Variants in PCNX2 observed in about 807,000 individuals in gnomAD.
PCNX2 encodes the protein pecanex 2.
In PCNX2, 168 loss-of-function variants were observed where a neutral mutation model predicts 223.8. The observed-to-expected ratio is 0.75, with a 90% confidence interval of 0.66 to 0.85. The LOEUF is 0.85. PCNX2 is among the 40% of genes least tolerant of loss of function. PCNX2 has a pLI of 0.00. For missense variants in PCNX2, 2,507 were observed against 2,675.5 expected (o/e 0.94, Z 1.39); for synonymous variants, 1,006 against 1,052.6 (o/e 0.96, Z 0.86).
chr1:233,158,391 G>A (rs1678255504), intron 19 of PCNX2, among the ~76,000 whole-genome samples: 2 of 152,046 alleles, frequency 1.3e-5, no homozygotes, highest in African/African-American at 4.8e-5. Flanking sequence ...TATAGGGAAA[G>A]GCACAGGTAT....
At chr1:233,222,208 A>C (rs772044304) in intron 10 of PCNX2, among the ~76,000 whole-genome samples, 3 of 152,160 alleles carry the variant, frequency 2.0e-5, no homozygotes, top group Non-Finnish European at 4.4e-5. Flanking sequence ...AGACAAAAGG[A>C]AGGCCAGTAT....
intron 17 of PCNX2, among the ~76,000 whole-genome samples, chr1:233,175,123 A>T (rs1247337550): frequency 1.3e-5 from 2 of 152,118 alleles, no homozygotes; most frequent in African/African-American, 4.8e-5. Context: ...CAGAGAAAAT[A>T]AGAGCTGGAG....
chr1:233,082,993 A>C (rs1394953293), intron 23 of PCNX2, among the ~76,000 whole-genome samples: 1 of 152,224 alleles, frequency 6.6e-6, no homozygotes, highest in Non-Finnish European at 1.5e-5. Flanking sequence ...GCGGAAACGT[A>C]AACTTCCTCT....
intron 28 of PCNX2, among the ~76,000 whole-genome samples, chr1:233,005,868 T>C (rs959341065): frequency 4.6e-5 from 7 of 152,084 alleles, no homozygotes; most frequent in Non-Finnish European, 1.0e-4. Flanking sequence ...TACTGGGAAA[T>C]AGTGTTGCAT....
rs1224713117 is a variant in PCNX2, at chr1:232,984,063, T to C, written c.*241A>G. 1 of 387,744 alleles carries C rather than the reference T, an allele frequency of 2.6e-6. No individual in the cohort carries two copies. The highest frequency in any genetic ancestry group is 4.5e-6 in the Non-Finnish European group (1 of 224,710). The allele number at this position is 387,744 out of a possible 1,614,324, so 24.0% of individuals were successfully genotyped here. A position where few individuals can be genotyped will look rare whatever the true frequency, so the allele number is the denominator to read the frequency against. Reference sequence around the variant, plus strand: ...TGTGGTGTGGCTTCTTTGTTGCTTTTTTTTGTTTCCCCATCATGTGAGGTT... The same window carrying C: ...TGTGGTGTGGCTTCTTTGTTGCTTTCTTTTGTTTCCCCATCATGTGAGGTT... On this transcript the variant is annotated 3_prime_UTR_variant, in exon 34 of 34. Coordinates refer to ENST00000258229, the MANE Select transcript of PCNX2 (RefSeq NM_014801.4).
rs781324042 is a variant in PCNX2, at chr1:233,034,466, G to T, written c.4352-9067C>A. On this transcript the variant is annotated intron_variant, in intron 25 of 33. Coordinates refer to ENST00000258229, the MANE Select transcript of PCNX2 (RefSeq NM_014801.4). ...CCAGAACTGTGAGAAATAAATGTTTGTTGTCTAAGCCGCCCAGTCTATGGT... is the reference window on the plus strand; with the variant it reads ...CCAGAACTGTGAGAAATAAATGTTTTTTGTCTAAGCCGCCCAGTCTATGGT... 2.4e-4 allele frequency among the ~76,000 whole-genome samples: 36 copies of T among 152,182 alleles called. 1 individual carries two copies. Among genetic ancestry groups the T allele is most frequent in the Non-Finnish European group, 4.6e-4 (31 of 68,032 alleles).
At chr1:232,986,809 G>A (rs1669507717) in intron 32 of PCNX2, among the ~76,000 whole-genome samples, 1 of 152,184 alleles carries the variant, frequency 6.6e-6, no homozygotes, top group African/African-American at 2.4e-5. Context: ...TGCAGCCAGG[G>A]TGACAGATCT....
intron 19 of PCNX2, among the ~76,000 whole-genome samples, chr1:233,154,832 G>A (rs1191977879): frequency 6.6e-6 from 1 of 152,142 alleles, no homozygotes; most frequent in East Asian, 1.9e-4. Flanking sequence ...ACTTTGGGAG[G>A]CCGAGGCAGG....
At chr1:233,302,573 C>G in the PCNX2 span, among the ~76,000 whole-genome samples, 1 of 150,424 alleles carries the variant, frequency 6.6e-6, no homozygotes, top group South Asian at 2.1e-4. Context: ...TGTGTCTCAG[C>G]CTTATTTGTT....
At chr1:233,149,760 C>T (rs1356309702) in intron 19 of PCNX2, among the ~76,000 whole-genome samples, 2 of 152,064 alleles carry the variant, frequency 1.3e-5, no homozygotes, top group Non-Finnish European at 2.9e-5. Flanking sequence ...GCTCAAAGCC[C>T]TTGATCTCCG....
chr1:233,286,885 T>C (rs889608737), intron 1 of PCNX2, among the ~76,000 whole-genome samples: 2 of 152,214 alleles, frequency 1.3e-5, no homozygotes, highest in Non-Finnish European at 2.9e-5. Context: ...GCCATCCTCA[T>C]GTCCCTTCCT....
intron 17 of PCNX2, among the ~76,000 whole-genome samples, chr1:233,165,268 C>T (rs902559315): frequency 2.0e-5 from 3 of 152,132 alleles, no homozygotes; most frequent in African/African-American, 7.2e-5. Context: ...ATAGTCTTGT[C>T]AATAGTTTTT....
chr1:233,046,580 A>G (rs1365013788), intron 25 of PCNX2, among the ~76,000 whole-genome samples: 2 of 152,076 alleles, frequency 1.3e-5, no homozygotes, highest in Non-Finnish European at 1.5e-5. Context: ...GGGAACTATC[A>G]TTTTTTTCTC....
At chr1:233,127,002 T>C (rs1676141505) in intron 21 of PCNX2, among the ~76,000 whole-genome samples, 1 of 152,104 alleles carries the variant, frequency 6.6e-6, no homozygotes. Flanking sequence ...CCTGAATTTG[T>C]TCCCTTCTTC....
At chr1:233,061,695 T>C (rs1334259769) in intron 23 of PCNX2, among the ~76,000 whole-genome samples, 1 of 152,196 alleles carries the variant, frequency 6.6e-6, no homozygotes, top group Non-Finnish European at 1.5e-5. Flanking sequence ...CCAACAACTT[T>C]GAGTTTAAAG....
chr1:233,148,430 CTTTT>C (rs3033312), intron 19 of PCNX2, among the ~76,000 whole-genome samples: 1 of 144,110 alleles, frequency 6.9e-6, no homozygotes, highest in African/African-American at 2.5e-5. Context: ...TTTTTCTTTT[CTTTT>C]TTTTTTTTTG....
chr1:233,018,841 A>G (rs1670777380), intron 26 of PCNX2: 1 of 985,344 alleles, frequency 1.0e-6, no homozygotes, highest in African/African-American at 1.7e-5. Flanking sequence ...CCTGTTAGAA[A>G]CAAACGCTTA....
At chr1:233,294,395 C>A (rs550989202) in intron 1 of PCNX2, among the ~76,000 whole-genome samples, 3 of 152,304 alleles carry the variant, frequency 2.0e-5, no homozygotes, top group Admixed American at 1.3e-4. Flanking sequence ...ACTTCACACC[C>A]AGAGTTCTGA....
intron 23 of PCNX2, among the ~76,000 whole-genome samples, chr1:233,065,924 C>T (rs993985620): frequency 2.6e-5 from 4 of 152,148 alleles, no homozygotes; most frequent in Non-Finnish European, 5.9e-5. Flanking sequence ...AGCCTGAAAA[C>T]CAAGCTGCCA....
Sources: allele counts gnomAD v4.1 joint callset (sites outside exome capture counted in the v4.1 genomes callset), GRCh38; gene constraint gnomAD v4.1.1; transcripts MANE v1.5; gene names NCBI Gene and HGNC (gene_info 2026-07-23, HGNC 2026-07-21).